Variants in EYS observed in about 807,000 individuals in gnomAD.
The protein encoded by EYS is EGF-like photoreceptor maintenance factor.
A neutral mutation model predicts 282.1 loss-of-function variants in EYS; 250 were observed. The ratio of observed to expected loss-of-function variants is 0.89; its 90% CI spans 0.80 to 0.98. The LOEUF (loss-of-function observed/expected upper bound fraction) is 0.98, where lower values mean the gene tolerates loss of function less well. EYS is among the 50% of genes least tolerant of loss of function. The pLI is 0.00. For missense variants in EYS, 4,016 were observed against 3,709.0 expected, an observed-to-expected ratio of 1.08 and a Z score of -2.15; for synonymous variants, 1,355 against 1,282.9, an observed-to-expected ratio of 1.06 and a Z score of -1.20.
At chr6:65,221,495 C>T (rs546319652) in intron 12 of EYS, among the ~76,000 whole-genome samples, 7 of 152,314 alleles carry the variant, frequency 4.6e-5, no homozygotes, top group South Asian at 4.1e-4. Flanking sequence ...GGTTTTGGGC[C>T]TGCAGGTGCA....
chr6:64,756,772 T>C (rs890439288), intron 22 of EYS, among the ~76,000 whole-genome samples: 3 of 152,166 alleles, frequency 2.0e-5, no homozygotes, highest in African/African-American at 7.2e-5. Context: ...TTTTGAATCA[T>C]AAGTGTAGAA....
At chr6:64,530,980 C>A (rs568503398) in intron 26 of EYS, among the ~76,000 whole-genome samples, 17 of 152,184 alleles carry the variant, frequency 1.1e-4, no homozygotes, top group African/African-American at 3.4e-4. Flanking sequence ...CCACCTCTAA[C>A]CTTTGATATG....
chr6:64,061,964 CAAAA>C (rs35562314), intron 33 of EYS, among the ~76,000 whole-genome samples: 1 of 123,584 alleles, frequency 8.1e-6, no homozygotes, highest in African/African-American at 2.8e-5. Flanking sequence ...GAGACTCTTT[CAAAA>C]AAAAAAAAAA....
intron 28 of EYS, among the ~76,000 whole-genome samples, chr6:64,416,616 C>T (rs755719181): frequency 4.0e-5 from 6 of 150,658 alleles, no homozygotes; most frequent in Non-Finnish European, 8.8e-5. Flanking sequence ...GGCAAAACTT[C>T]ATAAGTACTT....
At chr6:65,010,410 C>T (rs1771828375) in intron 13 of EYS, among the ~76,000 whole-genome samples, 1 of 152,204 alleles carries the variant, frequency 6.6e-6, no homozygotes, top group African/African-American at 2.4e-5. Context: ...CTTGAAGGGC[C>T]AGTGCTGCGA....
intron 26 of EYS, among the ~76,000 whole-genome samples, chr6:64,580,498 T>C (rs528003755): frequency 2.2e-4 from 33 of 152,132 alleles, no homozygotes; most frequent in African/African-American, 6.3e-4. Flanking sequence ...AAGTGCAGAG[T>C]TGTGCAACTG....
At chr6:63,774,945 C>T (rs1389347271) in intron 40 of EYS, among the ~76,000 whole-genome samples, 2 of 146,812 alleles carry the variant, frequency 1.4e-5, no homozygotes, top group Admixed American at 6.8e-5. Flanking sequence ...ACACATAGAA[C>T]TAAGAACTAA....
In EYS at chr6:65,190,706, C is replaced by G. The variant is rs185693308; in HGVS notation, c.2023+105157G>C. On this transcript the variant is annotated intron_variant, in intron 12 of 42. Coordinates refer to ENST00000503581, the MANE Select transcript of EYS (RefSeq NM_001142800.2). ...GCACTAGTGTGTTTGTTAGAGCTTTCAAATCTGTTTCCCTCTTTTAATCCA... is the reference window on the plus strand; with the variant it reads ...GCACTAGTGTGTTTGTTAGAGCTTTGAAATCTGTTTCCCTCTTTTAATCCA... 1.2e-3 allele frequency among the ~76,000 whole-genome samples: 188 copies of G among 151,826 alleles called. 1 individual carries two copies. The highest frequency in any genetic ancestry group is 4.4e-3 in the African/African-American group (181 of 41,494).
intron 12 of EYS, among the ~76,000 whole-genome samples, chr6:65,280,259 C>T (rs1768179129): frequency 6.6e-6 from 1 of 152,120 alleles, no homozygotes. Flanking sequence ...TCACTCAGCC[C>T]CTCCCTCCAT....
Position 65,323,631 on chromosome 6 carries a change from AAAATATCTCAGTC to A in EYS, c.1766+11336_1766+11348del, listed in dbSNP as rs566314658. ...ATGAGGGACCTGAGCCAGGAGAGGC[AAAATATCTCAGTC>A]AAAGTAGCCCAGCTGCTAAAAGATT... On this transcript the variant is annotated intron_variant, in intron 11 of 42. Transcript: ENST00000503581. Among the ~76,000 whole-genome samples the A allele has an allele frequency of 7.2e-3, 876 of 121,120 alleles. 7 individuals carry two copies. Among genetic ancestry groups the A allele is most frequent in the African/African-American group, 0.026 (823 of 31,688 alleles). 79.5% of individuals were successfully genotyped at this position (121,120 alleles called of 152,430 possible).
chr6:65,394,460 T>A (rs1310559664), intron 7 of EYS, among the ~76,000 whole-genome samples: 1 of 152,060 alleles, frequency 6.6e-6, no homozygotes, highest in African/African-American at 2.4e-5. Context: ...AGTGGAGCTG[T>A]GTCCTGTAGC....
At chr6:63,996,557 A>T (rs1391561654) in intron 34 of EYS, among the ~76,000 whole-genome samples, 1 of 152,050 alleles carries the variant, frequency 6.6e-6, no homozygotes, top group Non-Finnish European at 1.5e-5. Context: ...CAAAACAATA[A>T]ATCAGATTAG....
At chr6:64,410,791 G>T (rs1773863801) in intron 28 of EYS, among the ~76,000 whole-genome samples, 1 of 152,122 alleles carries the variant, frequency 6.6e-6, no homozygotes, top group Admixed American at 6.6e-5. Flanking sequence ...GTATATATTG[G>T]TTTTTACTGT....
chr6:64,340,113 C>T (rs1475538723), intron 29 of EYS, among the ~76,000 whole-genome samples: 3 of 151,266 alleles, frequency 2.0e-5, no homozygotes, highest in Non-Finnish European at 4.4e-5. Context: ...ATAGGTTTTG[C>T]CTATTTTTCA....
intron 14 of EYS, among the ~76,000 whole-genome samples, chr6:64,979,368 G>A (rs1231506506): frequency 1.3e-5 from 2 of 151,758 alleles, no homozygotes; most frequent in African/African-American, 4.8e-5. Flanking sequence ...TTATTAGTTA[G>A]TGGCATAAAT....
At chr6:65,485,853 G>A (rs891753151) in intron 5 of EYS, among the ~76,000 whole-genome samples, 6 of 152,050 alleles carry the variant, frequency 3.9e-5, no homozygotes, top group Non-Finnish European at 7.4e-5. Context: ...ACTTCAAACT[G>A]ATAATCAGTT....
Position 65,549,036 on chromosome 6 carries a change from G to A in EYS, c.-332-53043C>T, listed in dbSNP as rs536182899. On this transcript the variant is annotated intron_variant, in intron 2 of 42. Coordinates refer to ENST00000503581, the MANE Select transcript of EYS (RefSeq NM_001142800.2). ...CATGCGCAGTTCAAATAGGGTTTGAGCACCAGTGAGGCTCTAATGCGCCCC... is the reference window on the plus strand; with the variant it reads ...CATGCGCAGTTCAAATAGGGTTTGAACACCAGTGAGGCTCTAATGCGCCCC... Among the ~76,000 whole-genome samples the A allele has an allele frequency of 2.6e-5, 4 of 152,238 alleles. No individual in the cohort carries two copies. The South Asian group carries it at 8.3e-4, about 32-fold the overall frequency.
At chr6:64,584,136 CAT>C (rs1766156504) in intron 26 of EYS, among the ~76,000 whole-genome samples, 1 of 151,792 alleles carries the variant, frequency 6.6e-6, no homozygotes, top group African/African-American at 2.4e-5. Flanking sequence ...CAATAAAACA[CAT>C]ATTTGCAAAA....
chr6:63,752,782 A>G (rs958409723), intron 41 of EYS, among the ~76,000 whole-genome samples: 4 of 152,108 alleles, frequency 2.6e-5, no homozygotes, highest in African/African-American at 9.7e-5. Flanking sequence ...GGTGTGAGCC[A>G]CCGCGCCTGC....
Sources: allele counts gnomAD v4.1 joint callset (sites outside exome capture counted in the v4.1 genomes callset), GRCh38; gene constraint gnomAD v4.1.1; transcripts MANE v1.5; gene names NCBI Gene and HGNC (gene_info 2026-07-23, HGNC 2026-07-21).